The following PRELID2 variants were observed in gnomAD, a reference collection of about 807,000 sequenced individuals.
PRELID2 encodes the protein PRELI domain-containing protein 2.
A neutral mutation model predicts 28.4 loss-of-function variants in PRELID2; 25 were observed. The observed-to-expected ratio is 0.88, with a 90% CI of 0.64 to 1.23. PRELID2 has a LOEUF of 1.23. Ranked by LOEUF, PRELID2 falls within the 50% of genes most tolerant of loss-of-function variation. The pLI is 0.00. For synonymous variants in PRELID2, 76 were observed against 71.6 expected (o/e 1.06, Z -0.31); for missense variants, 201 against 214.4 (o/e 0.94, Z 0.39).
intron 1 of PRELID2, among the ~76,000 whole-genome samples, chr5:145,640,577 G>A (rs1325004145): frequency 1.3e-5 from 2 of 150,512 alleles, no homozygotes; most frequent in Non-Finnish European, 3.0e-5. Flanking sequence ...CCGGGAGGCG[G>A]AGCTTGCAGT....
intron 1 of PRELID2, among the ~76,000 whole-genome samples, chr5:145,675,282 A>G (rs1754791754): frequency 6.6e-6 from 1 of 152,138 alleles, no homozygotes; most frequent in South Asian, 2.1e-4. Flanking sequence ...CTCTTAGTCC[A>G]TATGAAAAGA....
At chr5:145,399,606 G>A in the PRELID2 span, among the ~76,000 whole-genome samples, 1 of 152,004 alleles carries the variant, frequency 6.6e-6, no homozygotes, top group Non-Finnish European at 1.5e-5. Context: ...TTTCTAATTT[G>A]TAATAACTAA....
intron 5 of PRELID2, among the ~76,000 whole-genome samples, chr5:145,767,693 G>A (rs1219013130): frequency 6.6e-6 from 1 of 152,166 alleles, no homozygotes; most frequent in Non-Finnish European, 1.5e-5. Flanking sequence ...GCAAGGGGTT[G>A]AGAGCTGCGT....
At chr5:145,390,032 G>C in the PRELID2 span, among the ~76,000 whole-genome samples, 1 of 152,274 alleles carries the variant, frequency 6.6e-6, no homozygotes, top group Non-Finnish European at 1.5e-5. Context: ...AAACAAATCT[G>C]CCTTCACAGT....
At chr5:145,496,748 G>A (rs752978611) in intron 1 of PRELID2, among the ~76,000 whole-genome samples, 5 of 151,990 alleles carry the variant, frequency 3.3e-5, no homozygotes, top group Admixed American at 6.6e-5. Context: ...AACCTACCTC[G>A]TGGTCTGAAA....
At chr5:145,365,718 C>T in the PRELID2 span, among the ~76,000 whole-genome samples, 1 of 151,892 alleles carries the variant, frequency 6.6e-6, no homozygotes. Flanking sequence ...CCCTCAACCA[C>T]TAACTGATGG....
chr5:145,649,359 C>G (rs1019030197), intron 1 of PRELID2, among the ~76,000 whole-genome samples: 5 of 152,156 alleles, frequency 3.3e-5, no homozygotes, highest in African/African-American at 1.2e-4. Context: ...AATTACATTA[C>G]ATATTTAATA....
At chr5:145,738,928 T>A (rs1228652419) in intron 1 of PRELID2, among the ~76,000 whole-genome samples, 1 of 151,984 alleles carries the variant, frequency 6.6e-6, no homozygotes, top group African/African-American at 2.4e-5. Context: ...GAAAAAAATC[T>A]TAAAAAACTG....
intron 1 of PRELID2, among the ~76,000 whole-genome samples, chr5:145,536,949 G>A (rs1752703920): frequency 6.6e-6 from 1 of 151,688 alleles, no homozygotes; most frequent in African/African-American, 2.4e-5. Context: ...TTGTGGAAGA[G>A]AGAATTTTAA....
chr5:145,393,899 T>C, the PRELID2 span, among the ~76,000 whole-genome samples: 1 of 152,174 alleles, frequency 6.6e-6, no homozygotes, highest in African/African-American at 2.4e-5. Flanking sequence ...CTAAAACATT[T>C]GCAGACATAC....
chr5:145,472,045 C>T (rs1218916009), exon 3 of PRELID2: 1 of 152,168 alleles, frequency 6.6e-6, no homozygotes, highest in Admixed American at 6.6e-5. Context: ...ATCTGATTGG[C>T]TTAGATCCAG....
At chr5:145,560,805 C>G (rs1201800087) in intron 1 of PRELID2, among the ~76,000 whole-genome samples, 1 of 152,210 alleles carries the variant, frequency 6.6e-6, no homozygotes, top group Non-Finnish European at 1.5e-5. Context: ...CAAAATGCCT[C>G]TCTTCTTTCC....
At chr5:145,811,170 T>C (rs200412571) in intron 4 of PRELID2, among the ~76,000 whole-genome samples, 1 of 148,352 alleles carries the variant, frequency 6.7e-6, no homozygotes, top group Admixed American at 6.7e-5. Flanking sequence ...GTGAAACTTA[T>C]TCACTATCAC....
At chr5:145,603,962 AGAT>A (rs1753456228) in intron 1 of PRELID2, among the ~76,000 whole-genome samples, 1 of 152,130 alleles carries the variant, frequency 6.6e-6, no homozygotes, top group South Asian at 2.1e-4. Flanking sequence ...ATTAGAGAAA[AGAT>A]GATATACAGC....
At chr5:145,454,526 A>G in the PRELID2 span, among the ~76,000 whole-genome samples, 1 of 152,284 alleles carries the variant, frequency 6.6e-6, no homozygotes, top group East Asian at 1.9e-4. Flanking sequence ...TATATCTAGA[A>G]AACCCCATTG....
At chr5:145,774,371 A>C (rs1439651783) in intron 5 of PRELID2, among the ~76,000 whole-genome samples, 1 of 152,214 alleles carries the variant, frequency 6.6e-6, no homozygotes, top group Non-Finnish European at 1.5e-5. Flanking sequence ...CTGTGCCTGA[A>C]AATGTGTAGA....
At chr5:145,606,694 G>A (rs890974886) in intron 1 of PRELID2, among the ~76,000 whole-genome samples, 9 of 151,972 alleles carry the variant, frequency 5.9e-5, no homozygotes, top group East Asian at 1.9e-4. Flanking sequence ...TTTTTGCATC[G>A]ATGTTCATCA....
chr5:145,706,725 AG>A (rs909706493), intron 1 of PRELID2, among the ~76,000 whole-genome samples: 1 of 152,192 alleles, frequency 6.6e-6, no homozygotes, highest in African/African-American at 2.4e-5. Flanking sequence ...TAATAATAAC[AG>A]TGTTATACTT....
the PRELID2 span, among the ~76,000 whole-genome samples, chr5:145,357,911 A>ATT: frequency 4.3e-3 from 611 of 142,604 alleles, 4 homozygotes; most frequent in African/African-American, 7.3e-3. Context: ...TGTCCCTTGG[A>ATT]TTTTTTTTTT....
Sources: gnomAD v4.1 joint callset for allele counts (sites outside exome capture counted in the v4.1 genomes callset) on GRCh38, gnomAD v4.1.1 for gene constraint, MANE v1.5 for transcripts, NCBI Gene and HGNC (gene_info 2026-07-23, HGNC 2026-07-21) for gene names.